CRIM1: variants seen among roughly 807,000 people sequenced by gnomAD.
The protein encoded by CRIM1 is cysteine rich transmembrane BMP regulator 1.
A neutral mutation model predicts 116.4 loss-of-function variants in CRIM1; 32 were observed. That is an observed-to-expected ratio of 0.27 (90% CI 0.21 to 0.37). The LOEUF (loss-of-function observed/expected upper bound fraction) is 0.37, where lower values mean the gene tolerates loss of function less well. CRIM1 is among the 10% of genes least tolerant of loss of function. CRIM1 has a pLI of 1.00. For missense variants in CRIM1, 1,331 were observed against 1,354.8 expected (o/e 0.98, Z 0.28); for synonymous variants, 590 against 509.2 (o/e 1.16, Z -2.13).
At chr2:36,395,376 T>C (rs1009978538) in intron 1 of CRIM1, among the ~76,000 whole-genome samples, 3 of 152,204 alleles carry the variant, frequency 2.0e-5, no homozygotes, top group Admixed American at 6.5e-5. Context: ...TAAATTCAGG[T>C]ACTTTAAAAA....
At chr2:36,516,913 A>AT (rs1346946513) in intron 11 of CRIM1, among the ~76,000 whole-genome samples, 2 of 152,314 alleles carry the variant, frequency 1.3e-5, no homozygotes, top group East Asian at 3.9e-4. Flanking sequence ...AATAAATGAA[A>AT]TAACACATGT....
In CRIM1 at chr2:36,549,578, A is replaced by G. The variant is rs1667603724; in HGVS notation, c.*877A>G. ...GTTTGTTGTTGCTTTGTTCTGTTAT[A>G]TTGTTGGTTGTTCATAGTTTTTGTT... On this transcript the variant is annotated 3_prime_UTR_variant, in exon 17 of 17. Coordinates refer to ENST00000280527, the MANE Select transcript of CRIM1 (RefSeq NM_016441.3). 2.0e-5 allele frequency: 3 copies of G among 152,164 alleles called. No individual in the cohort carries two copies. Among genetic ancestry groups the G allele is most frequent in the Admixed American group, 2.0e-4 (3 of 15,230 alleles). The allele number at this position is 152,164 out of a possible 1,614,324, so 9.4% of individuals were successfully genotyped here.
chr2:36,519,189 T>TGGGACAC (rs1196648632), intron 12 of CRIM1, among the ~76,000 whole-genome samples: 1 of 152,162 alleles, frequency 6.6e-6, no homozygotes, highest in African/African-American at 2.4e-5. Flanking sequence ...AATTCATTGA[T>TGGGACAC]GGGACACCTT....
chr2:36,531,870 C>T (rs1395716971), intron 13 of CRIM1: 4 of 470,082 alleles, frequency 8.5e-6, no homozygotes, highest in East Asian at 6.9e-5. Context: ...ATATCTGAAT[C>T]CCAAAAGAAA....
chr2:36,415,468 C>T (rs1012442001), intron 2 of CRIM1, among the ~76,000 whole-genome samples: 1 of 152,200 alleles, frequency 6.6e-6, no homozygotes, highest in Non-Finnish European at 1.5e-5. Flanking sequence ...CTTCTGTAGG[C>T]TGTTTCTCTG....
chr2:36,437,129 A>G (rs1409353453), intron 2 of CRIM1, among the ~76,000 whole-genome samples: 1 of 152,256 alleles, frequency 6.6e-6, no homozygotes, highest in Non-Finnish European at 1.5e-5. Context: ...TCATCCCAGC[A>G]CTTTGGGAGG....
intron 2 of CRIM1, among the ~76,000 whole-genome samples, chr2:36,430,471 C>G (rs1469876747): frequency 6.6e-6 from 1 of 152,158 alleles, no homozygotes; most frequent in Non-Finnish European, 1.5e-5. Context: ...TGCTACAGGT[C>G]AAGTTGTAGT....
chr2:36,530,034 A>AT lies in CRIM1; in HGVS notation c.2429-7309dup, dbSNP rs966218977. On this transcript the variant is annotated intron_variant, in intron 13 of 16. Coordinates refer to ENST00000280527, the MANE Select transcript of CRIM1 (RefSeq NM_016441.3). Reference sequence around the variant, plus strand: ...TAAAAGAAAGATGGATTAAGATCAGATTTTTTTTTATTGGAAGCTAAAAGT... The same window carrying AT: ...TAAAAGAAAGATGGATTAAGATCAGATTTTTTTTTTATTGGAAGCTAAAAGT... Among the ~76,000 whole-genome samples, 219 of 151,784 alleles carry AT rather than the reference A, an allele frequency of 1.4e-3. 1 individual carries two copies. Among genetic ancestry groups the AT allele is most frequent in the African/African-American group, 4.0e-3 (164 of 41,434 alleles).
chr2:36,413,021 T>A (rs1429417567), intron 2 of CRIM1, among the ~76,000 whole-genome samples: 2 of 152,024 alleles, frequency 1.3e-5, no homozygotes, highest in African/African-American at 4.8e-5. Context: ...CACATTGAGG[T>A]AGGTAGTAAA....
intron 7 of CRIM1, among the ~76,000 whole-genome samples, chr2:36,498,326 A>G (rs1323286448): frequency 6.6e-6 from 1 of 152,192 alleles, no homozygotes; most frequent in Admixed American, 6.5e-5. Flanking sequence ...TCTTGGGTCC[A>G]CCACAAACTA....
intron 4 of CRIM1, among the ~76,000 whole-genome samples, chr2:36,458,005 C>G (rs1023613084): frequency 1.3e-5 from 2 of 152,198 alleles, no homozygotes; most frequent in Admixed American, 6.5e-5. Flanking sequence ...GACCTCCCAC[C>G]CACCTGTAAG....
chr2:36,356,464 G>T lies in CRIM1; in HGVS notation c.172G>T (p.Gly58Cys), dbSNP rs1385155030. The T allele has an allele frequency of 1.2e-6, 2 of 1,612,488 alleles. No homozygotes were observed. Among genetic ancestry groups the T allele is most frequent in the African/African-American group, 2.7e-5 (2 of 74,904 alleles). ...GAACTGCCCGGGGAGCATCGTGCAGGGCGTCTGCGGCTGCTGCTACACGTG... is the reference window on the plus strand; with the variant it reads ...GAACTGCCCGGGGAGCATCGTGCAGTGCGTCTGCGGCTGCTGCTACACGTG... ...PRNCPGSIVQGVCGCCYTCAS... is the reference protein window; with the variant it reads ...PRNCPGSIVQCVCGCCYTCAS... Residue 58 changes from glycine (G) to cysteine (C), a missense_variant, in exon 1 of 17, where the codon GGC becomes TGC. Transcript: ENST00000280527. This position sits in a 1 kb window ranked among gnomAD's most constrained non-coding sequence, Gnocchi z 4.3.
In CRIM1 at chr2:36,546,990, G is replaced by T; in HGVS notation, c.2753G>T (p.Gly918Val). Residue 918 changes from glycine (G) to valine (V), a missense_variant, in exon 16 of 17, where the codon GGT becomes GTT. By Grantham distance (109) the Gly-to-Val change is moderately radical. Around this residue, in one of 3 missense-constraint regions of CRIM1, gnomAD observed 283 missense variants for 242.8 expected, o/e 1.17. Coordinates refer to ENST00000280527, the MANE Select transcript of CRIM1 (RefSeq NM_016441.3). ...NDIVHLPRDM[G>V]HLQVDYRDNR... ...ATAATTTTTTTTCTCCTAGATATGG[G>T]TCACCTCCAGGTAGATTACAGAGAT... 1 of 1,581,418 alleles carries T rather than the reference G, an allele frequency of 6.3e-7. No individual in the cohort carries two copies. The highest frequency in any genetic ancestry group is 8.6e-7 in the Non-Finnish European group (1 of 1,163,564).
chr2:36,446,290 G>A (rs760878537), intron 4 of CRIM1, among the ~76,000 whole-genome samples: 2 of 152,106 alleles, frequency 1.3e-5, no homozygotes, highest in Non-Finnish European at 2.9e-5. Flanking sequence ...CCCCATTTCT[G>A]TGTGAGCTTG....
chr2:36,431,102 G>A (rs1398803877), intron 2 of CRIM1, among the ~76,000 whole-genome samples: 1 of 152,092 alleles, frequency 6.6e-6, no homozygotes. Context: ...GTGTGTCTGT[G>A]TTTCAGAATC....
At chr2:36,409,464 C>T (rs1038890183) in intron 2 of CRIM1, among the ~76,000 whole-genome samples, 1 of 152,184 alleles carries the variant, frequency 6.6e-6, no homozygotes, top group African/African-American at 2.4e-5. Flanking sequence ...GATACCCCTT[C>T]CTGACTGAGC....
chr2:36,423,797 T>C (rs571382143), intron 2 of CRIM1, among the ~76,000 whole-genome samples: 1 of 152,346 alleles, frequency 6.6e-6, no homozygotes, highest in East Asian at 1.9e-4. Flanking sequence ...AATAGATGCT[T>C]ACTTATGCAC....
chr2:36,438,009 G>A (rs1462986444), intron 2 of CRIM1, among the ~76,000 whole-genome samples: 14 of 151,894 alleles, frequency 9.2e-5, no homozygotes, highest in African/African-American at 2.4e-4. Flanking sequence ...GCACGCACCC[G>A]TAGTCCCAGC....
chr2:36,437,799 C>T (rs975946502), intron 2 of CRIM1, among the ~76,000 whole-genome samples: 27 of 152,124 alleles, frequency 1.8e-4, no homozygotes, highest in Non-Finnish European at 2.9e-4. Context: ...AAACACACGT[C>T]GAGAGGTGAC....
Sources: gnomAD v4.1 joint callset for allele counts (sites outside exome capture counted in the v4.1 genomes callset) on GRCh38, gnomAD v4.1.1 for gene constraint, gnomAD v4.1.1 regional missense constraint, Gnocchi (gnomAD v3.1) non-coding constraint, MANE v1.5 for transcripts, NCBI Gene and HGNC (gene_info 2026-07-23, HGNC 2026-07-21) for gene names.